MAP3K5: variants seen among roughly 807,000 people sequenced by gnomAD.
MAP3K5 encodes mitogen-activated protein kinase kinase kinase 5.
Under a neutral mutation model 158.7 loss-of-function variants are expected in MAP3K5, and 56 were observed. The observed-to-expected ratio is 0.35, with a 90% CI of 0.28 to 0.44. The LOEUF is 0.44. Among genes scored for constraint, MAP3K5 ranks in the 20% least tolerant of loss-of-function variants. MAP3K5 has a pLI of 1.00. For synonymous variants in MAP3K5, 579 were observed against 601.7 expected (o/e 0.96, Z 0.55); for missense variants, 1,294 against 1,674.8 (o/e 0.77, Z 3.97).
intron 7 of MAP3K5, among the ~76,000 whole-genome samples, chr6:136,674,931 T>C (rs960210932): frequency 3.3e-5 from 5 of 151,982 alleles, no homozygotes; most frequent in Non-Finnish European, 2.9e-5. Flanking sequence ...AAAACACTTC[T>C]GGTCCCAAGC....
chr6:136,580,195 G>A, intron 25 of MAP3K5, 106 bp downstream of exon 25: 1 of 738,766 alleles, frequency 1.4e-6, no homozygotes, highest in Non-Finnish European at 2.4e-6. Context: ...TTAAAAAAGG[G>A]TATTATGGTT....
chr6:136,671,503 C>T (rs1297744455), intron 7 of MAP3K5, among the ~76,000 whole-genome samples: 1 of 152,178 alleles, frequency 6.6e-6, no homozygotes, highest in Non-Finnish European at 1.5e-5. Context: ...AAAATCCTGG[C>T]ATATATCATT....
At chr6:136,708,963 T>C (rs1781191475) in intron 2 of MAP3K5, among the ~76,000 whole-genome samples, 3 of 152,214 alleles carry the variant, frequency 2.0e-5, no homozygotes, top group Admixed American at 2.0e-4. Flanking sequence ...CAGCATCCTC[T>C]GTGCAATGTA....
chr6:136,590,902 G>A (rs1349820212), intron 23 of MAP3K5, among the ~76,000 whole-genome samples: 1 of 152,120 alleles, frequency 6.6e-6, no homozygotes, highest in Non-Finnish European at 1.5e-5. Context: ...ATATGGTTTG[G>A]CTGTGTCCCC....
At chr6:136,712,162 G>A (rs1215502821) in intron 2 of MAP3K5, among the ~76,000 whole-genome samples, 1 of 148,156 alleles carries the variant, frequency 6.7e-6, no homozygotes, top group African/African-American at 2.5e-5. Context: ...TATACATAAA[G>A]CATTTAATAG....
At chr6:136,594,296 AGT>A (rs1475750268) in intron 21 of MAP3K5, among the ~76,000 whole-genome samples, 1 of 152,188 alleles carries the variant, frequency 6.6e-6, no homozygotes, top group Non-Finnish European at 1.5e-5. Context: ...TGCTGGTAAT[AGT>A]AAGGTTGTCT....
At chr6:136,557,906 C>G (rs962427915) in intron 29 of MAP3K5, 88 bp from the exon 30 acceptor site, 20 of 857,914 alleles carry the variant, frequency 2.3e-5, no homozygotes, top group African/African-American at 1.7e-4. Flanking sequence ...TAGCTTTCAT[C>G]TGCTCTGGTC....
chr6:136,642,440 A>T (rs1278797198), intron 12 of MAP3K5, 80 bp downstream of exon 12: 7 of 978,684 alleles, frequency 7.2e-6, no homozygotes, highest in Non-Finnish European at 1.1e-5. Flanking sequence ...TTTTAAAATC[A>T]TGATTAGAAG....
At chr6:136,615,974 T>C (rs1318752438) in intron 15 of MAP3K5, among the ~76,000 whole-genome samples, 1 of 152,192 alleles carries the variant, frequency 6.6e-6, no homozygotes, top group African/African-American at 2.4e-5. Context: ...TAAATTAATT[T>C]TTATTATCTG....
Position 136,601,045 on chromosome 6 carries a change from G to A in MAP3K5, c.2858-3C>T, listed in dbSNP as rs1775851873. ...ACCATTTGATCCAGCTGAAAGAGCT[G>A]TGGAAAGAAAAGCAAACAGCCATGA... On this transcript the variant is annotated splice_polypyrimidine_tract_variant and splice_region_variant and intron_variant, in intron 20 of 29. Coordinates refer to ENST00000359015, the MANE Select transcript of MAP3K5 (RefSeq NM_005923.4). 2 of 1,613,834 alleles carry A rather than the reference G, an allele frequency of 1.2e-6. No homozygotes were observed. Among genetic ancestry groups the A allele is most frequent in the Non-Finnish European group, 1.7e-6 (2 of 1,179,958 alleles).
At chr6:136,769,188 C>T (rs1784077962) in intron 1 of MAP3K5, among the ~76,000 whole-genome samples, 1 of 152,208 alleles carries the variant, frequency 6.6e-6, no homozygotes, top group Non-Finnish European at 1.5e-5. Context: ...GAATGAAGTA[C>T]AGATCCCTGC....
At chr6:136,656,779 G>T (rs80148180) in intron 9 of MAP3K5, among the ~76,000 whole-genome samples, 1 of 152,028 alleles carries the variant, frequency 6.6e-6, no homozygotes, top group Non-Finnish European at 1.5e-5. Context: ...GCACCACCAC[G>T]CCTGGCTACG....
At chr6:136,710,811 T>G (rs1350354601) in intron 2 of MAP3K5, among the ~76,000 whole-genome samples, 2 of 152,160 alleles carry the variant, frequency 1.3e-5, no homozygotes, top group Admixed American at 6.6e-5. Context: ...CTGGTGACTT[T>G]CTGGGTCTTC....
At position 136,562,590 on chromosome 6, in the gene MAP3K5, C is replaced by G. The variant is rs1830562979; in HGVS notation, c.3787G>C (p.Glu1263Gln). 6.2e-7 allele frequency: 1 copy of G among 1,602,272 alleles called. No homozygotes were observed. Among genetic ancestry groups the G allele is most frequent in the African/African-American group, 1.4e-5 (1 of 74,024 alleles). ...NRLLEELVRK[E>Q]KELQALLHRA... ...TGAAGGAGTGCTTGTAATTCTTTCTCTTTCCGAACCAATTCTTCCAGTAAT... is the reference window on the plus strand; with the variant it reads ...TGAAGGAGTGCTTGTAATTCTTTCTGTTTCCGAACCAATTCTTCCAGTAAT... The change falls in exon 27 of 30, where the codon GAG becomes CAG. Residue 1263 changes from glutamate (E) to glutamine (Q), a missense_variant. By Grantham distance (29) the Glu-to-Gln change is conservative. Coordinates refer to ENST00000359015, the MANE Select transcript of MAP3K5 (RefSeq NM_005923.4).
Position 136,698,690 on chromosome 6 carries a change from G to C in MAP3K5, c.613-8C>G, listed in dbSNP as rs756384767. 12 of 1,602,480 alleles carry C rather than the reference G, an allele frequency of 7.5e-6. No individual in the cohort carries two copies. In the African/African-American group the frequency reaches 1.5e-4, roughly 20 times the overall value. On this transcript the variant is annotated splice_region_variant and splice_polypyrimidine_tract_variant and intron_variant, in intron 3 of 29. Coordinates refer to ENST00000359015, the MANE Select transcript of MAP3K5 (RefSeq NM_005923.4). ...GTAGTTCCCAGTGCACATCTGCGGAGAGAGGAGGCATCGGCAAGTGGGGAG... is the reference window on the plus strand; with the variant it reads ...GTAGTTCCCAGTGCACATCTGCGGACAGAGGAGGCATCGGCAAGTGGGGAG...
chr6:136,668,737 C>T (rs1779338046), intron 8 of MAP3K5, among the ~76,000 whole-genome samples: 2 of 152,168 alleles, frequency 1.3e-5, no homozygotes, highest in African/African-American at 2.4e-5. Context: ...GACAAAAGCA[C>T]ATTCTGTCGA....
At chr6:136,774,942 C>T (rs1260155834) in intron 1 of MAP3K5, among the ~76,000 whole-genome samples, 1 of 152,114 alleles carries the variant, frequency 6.6e-6, no homozygotes, top group African/African-American at 2.4e-5. Context: ...TTCAGTTGTT[C>T]CTTCTTAGTC....
At chr6:136,765,506 T>C (rs988616467) in intron 1 of MAP3K5, among the ~76,000 whole-genome samples, 1 of 150,616 alleles carries the variant, frequency 6.6e-6, no homozygotes, top group African/African-American at 2.5e-5. Context: ...TTTATTTTTA[T>C]CTTTTTTTAT....
chr6:136,595,792 G>A (rs1204440883), intron 21 of MAP3K5, among the ~76,000 whole-genome samples: 1 of 152,122 alleles, frequency 6.6e-6, no homozygotes, highest in Non-Finnish European at 1.5e-5. Flanking sequence ...TGAGGCAGGA[G>A]GATTATCTCA....
Sources: allele counts gnomAD v4.1 joint callset (sites outside exome capture counted in the v4.1 genomes callset), GRCh38; gene constraint gnomAD v4.1.1; transcripts MANE v1.5; gene names NCBI Gene and HGNC (gene_info 2026-07-23, HGNC 2026-07-21).